NPFFR1: variants seen among roughly 807,000 people sequenced by gnomAD.
The protein encoded by NPFFR1 is neuropeptide FF receptor 1, also known as G-protein coupled receptor 147.
In NPFFR1, 17 loss-of-function variants were observed where a neutral mutation model predicts 12.7. That is an observed-to-expected ratio of 1.34 (90% confidence interval 0.92 to 2.01). The LOEUF is 2.01. Among genes scored for constraint, NPFFR1 ranks in the 30% most tolerant of loss-of-function variants. The pLI is 0.00. For missense variants in NPFFR1, 604 were observed against 606.5 expected, an observed-to-expected ratio of 1.00 and a Z score of 0.04; for synonymous variants, 296 against 264.5, an observed-to-expected ratio of 1.12 and a Z score of -1.16.
chr10:70,281,928 T>C (rs1479084149), intron 1 of NPFFR1, among the ~76,000 whole-genome samples: 2 of 152,214 alleles, frequency 1.3e-5, no homozygotes, highest in African/African-American at 4.8e-5. Context: ...AAGTGTACAC[T>C]GTGTTTGGTC....
At position 70,267,598 on chromosome 10, in the gene NPFFR1, C is replaced by G. The variant is rs565702647; in HGVS notation, c.8-1207G>C. On this transcript the variant is annotated intron_variant, in intron 1 of 3. Coordinates refer to ENST00000277942, the MANE Select transcript of NPFFR1 (RefSeq NM_022146.5). Reference sequence around the variant, plus strand: ...TTTGGTGTGTGTTTCCCCAGGCTTGCTTCGAAGGGAAGGCTCAGTGTCCAA... The same window carrying G: ...TTTGGTGTGTGTTTCCCCAGGCTTGGTTCGAAGGGAAGGCTCAGTGTCCAA... Among the ~76,000 whole-genome samples the G allele has an allele frequency of 5.8e-4, 88 of 152,274 alleles. 1 individual carries two copies. Among genetic ancestry groups the G allele is most frequent in the Admixed American group, 4.1e-3 (63 of 15,300 alleles).
At position 70,250,929 on chromosome 10, in the gene NPFFR1, T is replaced by C. The variant is rs1366389644; in HGVS notation, c.*4028A>G. The C allele has an allele frequency of 6.6e-6, 1 of 152,236 alleles. No individual in the cohort carries two copies. The highest frequency in any genetic ancestry group is 1.5e-5 in the Non-Finnish European group (1 of 68,042). 9.4% of individuals were successfully genotyped at this position (152,236 alleles called of 1,614,324 possible). A position where few individuals can be genotyped will look rare whatever the true frequency, so the allele number is the denominator to read the frequency against. ...GAGATATATGCACAGAAAAGGACGCTATACTTGTCTCTTGCGGTAGGATTT... is the reference window on the plus strand; with the variant it reads ...GAGATATATGCACAGAAAAGGACGCCATACTTGTCTCTTGCGGTAGGATTT... On this transcript the variant is annotated 3_prime_UTR_variant, in exon 4 of 4. Transcript: ENST00000277942.
In NPFFR1 at chr10:70,254,957, T is replaced by G; in HGVS notation, c.1293A>C (p.Ter431CysextTer48). The change falls in exon 4 of 4, where the codon TGA (stop) becomes TGC (cysteine). Residue 431 changes from the stop codon to cysteine (C), a stop_lost. Transcript: ENST00000277942. ...AGCGTCCCGCCCTCCCTGGACCCCC[T>G]CAGATATCCCAGGCTGGAATGGTGA... ...LPLTIPAWDI[*>C] The G allele has an allele frequency of 8.0e-6, 10 of 1,249,140 alleles. No homozygotes were observed. The highest frequency in any genetic ancestry group is 9.3e-6 in the Non-Finnish European group (9 of 966,750). 77.4% of individuals were successfully genotyped at this position (1,249,140 alleles called of 1,614,324 possible).
At position 70,260,747 on chromosome 10, in the gene NPFFR1, G is replaced by T. The variant is rs1259476942; in HGVS notation, c.323-8C>A. On this transcript the variant is annotated splice_region_variant and splice_polypyrimidine_tract_variant and intron_variant, in intron 2 of 3. Coordinates refer to ENST00000277942, the MANE Select transcript of NPFFR1 (RefSeq NM_022146.5). ...CATTGTCGAAGGGCCACCCTGCAAT[G>T]ACAGAGGCCCCCACAGAGTGAGAGA... is the stretch of plus-strand genomic sequence containing the variant. 1 of 1,584,432 alleles carries T rather than the reference G, an allele frequency of 6.3e-7. No homozygotes were observed. Among genetic ancestry groups the T allele is most frequent in the Non-Finnish European group, 8.6e-7 (1 of 1,165,006 alleles).
chr10:70,258,806 C>T (rs1425936256), intron 3 of NPFFR1, among the ~76,000 whole-genome samples: 1 of 152,160 alleles, frequency 6.6e-6, no homozygotes, highest in East Asian at 1.9e-4. Context: ...TGTTTGGAGT[C>T]AGAGCCTGCC....
rs1326131000 is a variant in NPFFR1, at chr10:70,255,580, T to C, written c.670A>G (p.Ile224Val). Residue 224 changes from isoleucine to valine, a missense_variant, in exon 4 of 4, where the codon ATC (isoleucine) becomes GTC (valine). Transcript: ENST00000277942. This position sits in a 1 kb window ranked among gnomAD's most constrained non-coding sequence, Gnocchi z 4.2. Reference sequence around the variant, plus strand: ...ATGAGCGCCAGCGGCGCCAGGTAGATGTGCGAGAAGAGCACAGTGGTGTAG... The same window carrying C: ...ATGAGCGCCAGCGGCGCCAGGTAGACGTGCGAGAAGAGCACAGTGGTGTAG... ...RVYTTVLFSH[I>V]YLAPLALIVV... is the part of the protein sequence containing the mutation. 6.4e-7 allele frequency: 1 copy of C among 1,552,422 alleles called. No homozygotes were observed. The highest frequency in any genetic ancestry group is 1.4e-5 in the African/African-American group (1 of 73,226).
At chr10:70,263,213 T>C (rs553721035) in intron 2 of NPFFR1, among the ~76,000 whole-genome samples, 155 of 152,314 alleles carry the variant, frequency 1.0e-3, no homozygotes, top group Non-Finnish European at 1.8e-3. Context: ...TGTGGAACTA[T>C]ACACTTAAAA....
At chr10:70,273,216 G>C (rs1295622603) in intron 1 of NPFFR1, among the ~76,000 whole-genome samples, 1 of 152,116 alleles carries the variant, frequency 6.6e-6, no homozygotes, top group Non-Finnish European at 1.5e-5. Context: ...TGATGGGCAG[G>C]GGATGGGGTT....
chr10:70,277,644 G>A (rs186392995), intron 1 of NPFFR1, among the ~76,000 whole-genome samples: 282 of 152,292 alleles, frequency 1.9e-3, no homozygotes, highest in Non-Finnish European at 2.8e-3. Flanking sequence ...CAGCCAGTGC[G>A]GGTGTATATC....
chr10:70,255,547 T>C lies in NPFFR1; in HGVS notation c.703A>G (p.Met235Val), dbSNP rs747807388. The C allele has an allele frequency of 6.5e-6, 10 of 1,550,284 alleles. No homozygotes were observed. The highest frequency in any genetic ancestry group is 3.9e-5 in the Admixed American group (2 of 50,992). The change falls in exon 4 of 4, where the codon ATG becomes GTG. Residue 235 changes from methionine (M) to valine (V), a missense_variant. Met to Val is a conservative substitution (Grantham distance 21). Coordinates refer to ENST00000277942, the MANE Select transcript of NPFFR1 (RefSeq NM_022146.5). This position sits in a 1 kb window ranked among gnomAD's most constrained non-coding sequence, Gnocchi z 4.2. ...AGCTTGCGCGCGATGCGGGCGTACA[T>C]GACCACGATGAGCGCCAGCGGCGCC... Reference protein sequence around the residue: ...YLAPLALIVVMYARIARKLCQ... With the variant: ...YLAPLALIVVVYARIARKLCQ...
rs1840566180 is a variant in NPFFR1 at position 70,255,857 on chromosome 10, T to C, written c.423-30A>G. 6.3e-7 allele frequency: 1 copy of C among 1,582,338 alleles called. No individual in the cohort carries two copies. The highest frequency in any genetic ancestry group is 1.3e-5 in the African/African-American group (1 of 74,302). ...CGCGGGGAGAGAGACAGGCGGGATCTGGGTGGGTCCTAGGGCCCCTGCGAG... is the reference window on the plus strand; with the variant it reads ...CGCGGGGAGAGAGACAGGCGGGATCCGGGTGGGTCCTAGGGCCCCTGCGAG... On this transcript the variant is annotated intron_variant, in intron 3 of 3. Transcript: ENST00000277942. This position sits in a 1 kb window ranked among gnomAD's most constrained non-coding sequence, Gnocchi z 4.2.
At chr10:70,271,945 C>T (rs1840745504) in intron 1 of NPFFR1, among the ~76,000 whole-genome samples, 1 of 151,762 alleles carries the variant, frequency 6.6e-6, no homozygotes, top group Non-Finnish European at 1.5e-5. Flanking sequence ...GATGAAACCC[C>T]ATCTCTACTA....
rs1179931505 is a variant in NPFFR1, at chr10:70,260,738, C to A, written c.324G>T (p.Gly108=). The A allele has an allele frequency of 1.3e-6, 2 of 1,593,882 alleles. No individual in the cohort carries two copies. The highest frequency in any genetic ancestry group is 2.3e-5 in the East Asian group (1 of 43,858). ...PTTLVDNLIT[G]WPFDNATCKM... is the part of the protein sequence containing the mutation. ...TGCATGTGGCATTGTCGAAGGGCCA[C>A]CCTGCAATGACAGAGGCCCCCACAG... Residue 108 remains glycine, a splice_region_variant and synonymous_variant, in exon 3 of 4, where the codon GGG becomes GGT. Coordinates refer to ENST00000277942, the MANE Select transcript of NPFFR1 (RefSeq NM_022146.5).
At chr10:70,264,950 A>ATT (rs2136799326) in intron 2 of NPFFR1, among the ~76,000 whole-genome samples, 1 of 152,322 alleles carries the variant, frequency 6.6e-6, no homozygotes, top group East Asian at 1.9e-4. Context: ...GTATGCATGT[A>ATT]TTTATGTGTA....
intron 1 of NPFFR1, among the ~76,000 whole-genome samples, chr10:70,273,123 C>A (rs751681515): frequency 6.6e-6 from 1 of 152,166 alleles, no homozygotes; most frequent in Non-Finnish European, 1.5e-5. Context: ...TGACTCATAT[C>A]AAAATCACCT....
intron 1 of NPFFR1, 23 bp from the exon 2 acceptor site, chr10:70,266,414 G>A (rs764242277): frequency 1.9e-6 from 3 of 1,578,810 alleles, no homozygotes; most frequent in Admixed American, 1.7e-5. Flanking sequence ...GAATATATTG[G>A]TCAGGACCTT....
chr10:70,280,601 T>C (rs1052274665), intron 1 of NPFFR1, among the ~76,000 whole-genome samples: 3 of 152,242 alleles, frequency 2.0e-5, no homozygotes, highest in Non-Finnish European at 4.4e-5. Context: ...TGTTGAGTTG[T>C]TTGAGCTCCT....
rs763742605 is a variant in NPFFR1 at position 70,255,289 on chromosome 10, TGAA to T, written c.958_960del (p.Phe320del). On this transcript the variant is annotated inframe_deletion, in exon 4 of 4. Transcript: ENST00000277942. This position sits in a 1 kb window ranked among gnomAD's most constrained non-coding sequence, Gnocchi z 4.2. ...TAGATGATGGGGTTGGCGCTGCTGT[TGAA>T]GAAGGCCAGCCAGTGCGCGAAGGGG... 3 of 1,582,042 alleles carry T rather than the reference TGAA, an allele frequency of 1.9e-6. No homozygotes were observed. Among genetic ancestry groups the T allele is most frequent in the African/African-American group, 1.3e-5 (1 of 74,588 alleles).
chr10:70,276,977 G>A (rs1002109066), intron 1 of NPFFR1, among the ~76,000 whole-genome samples: 13 of 152,176 alleles, frequency 8.5e-5, no homozygotes, highest in African/African-American at 4.8e-5. Flanking sequence ...TTGAGCAGCC[G>A]CTTACATAGA....
Sources: allele counts gnomAD v4.1 joint callset (sites outside exome capture counted in the v4.1 genomes callset), GRCh38; gene constraint gnomAD v4.1.1; non-coding constraint Gnocchi (gnomAD v3.1); transcripts MANE v1.5; gene names NCBI Gene and HGNC (gene_info 2026-07-23, HGNC 2026-07-21).